STX12: variants seen among roughly 807,000 people sequenced by gnomAD.
The protein encoded by STX12 is syntaxin 12, also known as syntaxin-12.
In STX12, 17 loss-of-function variants were observed where a neutral mutation model predicts 42.2. That is an observed-to-expected ratio of 0.40 (90% confidence interval 0.28 to 0.60). STX12 has a LOEUF of 0.60. Among genes scored for constraint, STX12 ranks in the 20% least tolerant of loss-of-function variants. The pLI is 0.39. For missense variants in STX12, 297 were observed against 330.9 expected (o/e 0.90, Z 0.79); for synonymous variants, 108 against 116.7 (o/e 0.93, Z 0.48).
At chr1:27,796,479 C>T (rs569148170) in intron 3 of STX12, among the ~76,000 whole-genome samples, 21 of 152,242 alleles carry the variant, frequency 1.4e-4, no homozygotes, top group Admixed American at 5.2e-4. Context: ...GTAGCCTCAA[C>T]CTCCCAGGCT....
intron 1 of STX12, among the ~76,000 whole-genome samples, chr1:27,779,364 C>G (rs2088650882): frequency 6.8e-6 from 1 of 147,570 alleles, no homozygotes; most frequent in Non-Finnish European, 1.5e-5. Flanking sequence ...AGCCAAGTCT[C>G]ACTCTGTCGC....
At chr1:27,812,495 G>C (rs1557806772) in intron 6 of STX12, among the ~76,000 whole-genome samples, 1 of 151,428 alleles carries the variant, frequency 6.6e-6, no homozygotes, top group Non-Finnish European at 1.5e-5. Context: ...AGGCTGGAGT[G>C]CAGTGGTGTG....
At chr1:27,790,877 G>T (rs1003828541) in intron 2 of STX12, among the ~76,000 whole-genome samples, 5 of 152,080 alleles carry the variant, frequency 3.3e-5, no homozygotes, top group Non-Finnish European at 5.9e-5. Flanking sequence ...GGAGGCGGAG[G>T]TTGCGGTGAG....
intron 1 of STX12, among the ~76,000 whole-genome samples, chr1:27,777,000 A>C (rs1455815936): frequency 6.6e-6 from 1 of 152,214 alleles, no homozygotes; most frequent in Non-Finnish European, 1.5e-5. Context: ...TGCAACAAAT[A>C]TTCCTGGAGC....
intron 4 of STX12, chr1:27,802,070 G>A (rs1296763493): frequency 4.6e-5 from 11 of 240,932 alleles, no homozygotes; most frequent in Middle Eastern, 1.3e-3. Flanking sequence ...TGGTTTTAAC[G>A]TTAAAAACTT....
intron 1 of STX12, among the ~76,000 whole-genome samples, chr1:27,775,315 A>G (rs571560643): frequency 4.3e-4 from 65 of 152,326 alleles, no homozygotes; most frequent in African/African-American, 1.5e-3. Context: ...TCTGTCACCC[A>G]GGCTGGTATG....
chr1:27,795,208 CAG>C (rs370912780), intron 3 of STX12, among the ~76,000 whole-genome samples: 16 of 151,970 alleles, frequency 1.1e-4, no homozygotes, highest in African/African-American at 3.9e-4. Flanking sequence ...GTAGAAGTAT[CAG>C]AGTCTATATT....
chr1:27,808,258 G>A (rs886444067), intron 4 of STX12, among the ~76,000 whole-genome samples: 13 of 151,490 alleles, frequency 8.6e-5, no homozygotes, highest in Admixed American at 3.9e-4. Context: ...TTATAAAAAG[G>A]GTAAGCTTTT....
At chr1:27,822,011 C>G (rs193176569) in intron 8 of STX12, among the ~76,000 whole-genome samples, 55 of 151,784 alleles carry the variant, frequency 3.6e-4, no homozygotes, top group African/African-American at 1.3e-3. Flanking sequence ...GAGTGAGACT[C>G]TGTCTCAAGA....
At chr1:27,778,952 G>A (rs2088645798) in intron 1 of STX12, among the ~76,000 whole-genome samples, 1 of 152,158 alleles carries the variant, frequency 6.6e-6, no homozygotes, top group African/African-American at 2.4e-5. Flanking sequence ...AGAGACGGGG[G>A]TCTCGCTGTG....
intron 4 of STX12, among the ~76,000 whole-genome samples, chr1:27,806,228 C>T (rs1246464118): frequency 7.2e-5 from 11 of 152,136 alleles, no homozygotes; most frequent in Admixed American, 7.2e-4. Flanking sequence ...AACAAACACC[C>T]TCTGTTGTTT....
intron 2 of STX12, among the ~76,000 whole-genome samples, chr1:27,790,463 A>G (rs2088732226): frequency 6.6e-6 from 1 of 152,128 alleles, no homozygotes; most frequent in South Asian, 2.1e-4. Flanking sequence ...CCATTTTACA[A>G]ACCTCTAGCT....
At chr1:27,785,046 A>G (rs1269107007) in intron 1 of STX12, among the ~76,000 whole-genome samples, 2 of 152,210 alleles carry the variant, frequency 1.3e-5, no homozygotes, top group African/African-American at 4.8e-5. Flanking sequence ...TTCATATTCT[A>G]TAAAATTCCC....
At chr1:27,791,921 T>C (rs2088743832) in intron 2 of STX12, among the ~76,000 whole-genome samples, 1 of 150,638 alleles carries the variant, frequency 6.6e-6, no homozygotes, top group African/African-American at 2.4e-5. Flanking sequence ...GAGGCGAAGG[T>C]TGGAGTGAGC....
chr1:27,788,783 G>T (rs757983888), intron 1 of STX12, among the ~76,000 whole-genome samples: 2 of 152,086 alleles, frequency 1.3e-5, no homozygotes, highest in South Asian at 2.1e-4. Flanking sequence ...AGGCCGAGGC[G>T]AGTGGATCAC....
In STX12 at chr1:27,778,658, C is replaced by T. The variant is rs2148596131; in HGVS notation, c.118+5233C>T. The stretch of plus-strand genomic sequence containing the variant: ...GTAAACCAAGACCAAGATCGCTCCA[C>T]TGCACTCCAGCCTGGGCAACAGAGC... On this transcript the variant is annotated intron_variant, in intron 1 of 8. Transcript: ENST00000373943. Among the ~76,000 whole-genome samples, 2 of 150,906 alleles carry T rather than the reference C, an allele frequency of 1.3e-5. 1 individual carries two copies. Among genetic ancestry groups the T allele is most frequent in the South Asian group, 4.2e-4 (2 of 4,772 alleles).
At chr1:27,790,649 A>G (rs1457876687) in intron 2 of STX12, among the ~76,000 whole-genome samples, 1 of 152,220 alleles carries the variant, frequency 6.6e-6, no homozygotes, top group African/African-American at 2.4e-5. Context: ...TTTAAAGTAT[A>G]TGGAAGGGGG....
intron 2 of STX12, among the ~76,000 whole-genome samples, chr1:27,792,727 A>C (rs2088757746): frequency 6.6e-6 from 1 of 152,130 alleles, no homozygotes; most frequent in Non-Finnish European, 1.5e-5. Context: ...GGATTTCAAC[A>C]TATGAATTTT....
In STX12 at chr1:27,804,422, G is replaced by A. The variant is rs192929907; in HGVS notation, c.426+2607G>A. Among the ~76,000 whole-genome samples, 277 of 135,252 alleles carry A rather than the reference G, an allele frequency of 2.0e-3. 1 individual carries two copies. Among genetic ancestry groups the A allele is most frequent in the African/African-American group, 7.8e-3 (223 of 28,494 alleles). The allele number at this position is 135,252 out of a possible 152,430, so 88.7% of individuals were successfully genotyped here. On this transcript the variant is annotated intron_variant, in intron 4 of 8. Transcript: ENST00000373943. ...GCCTGGGCAAAAAGAGTGAAATTCCGTCTCAAAAAAAAATATCATTAAGTT... is the reference window on the plus strand; with the variant it reads ...GCCTGGGCAAAAAGAGTGAAATTCCATCTCAAAAAAAAATATCATTAAGTT...
Sources: gnomAD v4.1 joint callset for allele counts (sites outside exome capture counted in the v4.1 genomes callset) on GRCh38, gnomAD v4.1.1 for gene constraint, MANE v1.5 for transcripts, NCBI Gene and HGNC (gene_info 2026-07-23, HGNC 2026-07-21) for gene names.